Variants in KPNA3 observed in about 807,000 individuals in gnomAD.
The protein encoded by KPNA3 is importin subunit alpha-4.
Under a neutral mutation model 73.8 loss-of-function variants are expected in KPNA3, and 13 were observed. The observed-to-expected ratio is 0.18, with a 90% CI of 0.11 to 0.28. The LOEUF is 0.28. Among genes scored for constraint, KPNA3 ranks in the 10% least tolerant of loss-of-function variants. KPNA3 has a pLI of 1.00. For missense variants in KPNA3, 360 were observed against 618.1 expected, an observed-to-expected ratio of 0.58 and a Z score of 4.43; for synonymous variants, 186 against 206.9, an observed-to-expected ratio of 0.90 and a Z score of 0.87.
Position 49,792,601 on chromosome 13 carries a change from G to C in KPNA3, c.-95C>G. 2 of 370,336 alleles carry C rather than the reference G, an allele frequency of 5.4e-6. No individual in the cohort carries two copies. Among genetic ancestry groups the C allele is most frequent in the East Asian group, 8.0e-5 (1 of 12,458 alleles). 22.9% of individuals were successfully genotyped at this position (370,336 alleles called of 1,614,324 possible). A position where few individuals can be genotyped will look rare whatever the true frequency, so the allele number is the denominator to read the frequency against. The stretch of plus-strand genomic sequence containing the variant: ...GAGGGGGAGGAGGGGGAGAGCGGGA[G>C]GGGGGAGGGGAGAGAAGAGCACGTT... On this transcript the variant is annotated 5_prime_UTR_variant, in exon 1 of 17. Coordinates refer to ENST00000261667, the MANE Select transcript of KPNA3 (RefSeq NM_002267.4).
chr13:49,739,329 C>G (rs941528906), intron 2 of KPNA3, among the ~76,000 whole-genome samples: 1 of 152,116 alleles, frequency 6.6e-6, no homozygotes, highest in African/African-American at 2.4e-5. Context: ...TCTCAACCCA[C>G]GAAGCATTAT....
intron 6 of KPNA3, among the ~76,000 whole-genome samples, chr13:49,731,387 C>A (rs1439466252): frequency 6.6e-6 from 1 of 151,848 alleles, no homozygotes; most frequent in Non-Finnish European, 1.5e-5. Context: ...CTGCGTCCAG[C>A]CAGAATTTAT....
intron 14 of KPNA3, 32 bp from the exon 15 acceptor site, chr13:49,705,815 T>G (rs1461182534): frequency 6.7e-7 from 1 of 1,495,294 alleles, no homozygotes; most frequent in Non-Finnish European, 9.0e-7. Context: ...ATATTTTTAT[T>G]TATATAATTA....
intron 1 of KPNA3, among the ~76,000 whole-genome samples, chr13:49,778,249 T>A (rs985867732): frequency 6.6e-6 from 1 of 152,276 alleles, no homozygotes; most frequent in Non-Finnish European, 1.5e-5. Context: ...TGTATCTAAA[T>A]GGAGGTGTAA....
intron 9 of KPNA3, among the ~76,000 whole-genome samples, chr13:49,721,247 T>A (rs972811453): frequency 2.6e-5 from 4 of 151,960 alleles, no homozygotes; most frequent in South Asian, 2.1e-4. Flanking sequence ...AAAAATCAAT[T>A]GGACTTAAAG....
intron 1 of KPNA3, among the ~76,000 whole-genome samples, chr13:49,758,552 A>C (rs758064081): frequency 5.9e-5 from 9 of 152,166 alleles, no homozygotes; most frequent in Non-Finnish European, 1.2e-4. Context: ...ATGAGTAAAA[A>C]TGTCATATTC....
At chr13:49,708,543 G>A (rs897952338) in intron 12 of KPNA3, among the ~76,000 whole-genome samples, 2 of 152,182 alleles carry the variant, frequency 1.3e-5, no homozygotes, top group Non-Finnish European at 2.9e-5. Context: ...CAAAGAAATT[G>A]AAAGCGGGAA....
At chr13:49,756,843 A>T (rs935949608) in intron 1 of KPNA3, among the ~76,000 whole-genome samples, 9 of 152,236 alleles carry the variant, frequency 5.9e-5, no homozygotes, top group African/African-American at 2.2e-4. Flanking sequence ...ACATTGTGTG[A>T]TATCAGTGGA....
At chr13:49,775,162 C>CAAAAAAAAAAAAAAAAA (rs60494803) in intron 1 of KPNA3, among the ~76,000 whole-genome samples, 1 of 93,058 alleles carries the variant, frequency 1.1e-5, no homozygotes, top group Non-Finnish European at 2.0e-5. Context: ...GACTCTGTCT[C>CAAAAAAAAAAAAAAAAA]AAAAAAAAAA....
chr13:49,784,397 G>A (rs1322791780), intron 1 of KPNA3, among the ~76,000 whole-genome samples: 1 of 152,132 alleles, frequency 6.6e-6, no homozygotes, highest in East Asian at 1.9e-4. Context: ...CTTGGCTGTT[G>A]TTACAAACCT....
chr13:49,761,550 GC>G (rs1954761004), intron 1 of KPNA3, among the ~76,000 whole-genome samples: 1 of 152,248 alleles, frequency 6.6e-6, no homozygotes, highest in South Asian at 2.1e-4. Context: ...GCTCAATGTT[GC>G]CCAGGCTGGA....
At chr13:49,729,234 A>G (rs188702236) in intron 6 of KPNA3, among the ~76,000 whole-genome samples, 189 of 152,314 alleles carry the variant, frequency 1.2e-3, no homozygotes, top group African/African-American at 4.5e-3. Context: ...ATAAGATGGT[A>G]TATCAGAGGC....
In KPNA3 at chr13:49,731,247, G is replaced by A. The variant is rs571994389; in HGVS notation, c.383+1124C>T. 1.0e-3 allele frequency among the ~76,000 whole-genome samples: 130 copies of A among 126,118 alleles called. 1 individual carries two copies. The highest frequency in any genetic ancestry group is 4.1e-3 in the African/African-American group (126 of 30,874). The allele number at this position is 126,118 out of a possible 152,430, so 82.7% of individuals were successfully genotyped here. On this transcript the variant is annotated intron_variant, in intron 6 of 16. Transcript: ENST00000261667. ...GTGCCACCATGCCTGGCTAATTTTC[G>A]TGTTTTTTTTTTTTTTTTTTTTGTA...
In KPNA3 at chr13:49,739,659, G is replaced by A. The variant is rs556940086; in HGVS notation, c.115-6613C>T. Among the ~76,000 whole-genome samples the A allele has an allele frequency of 4.5e-4, 68 of 152,272 alleles. No individual in the cohort carries two copies. In the South Asian group the frequency reaches 0.014, roughly 31 times the overall value. ...GATCAGTATCTGTTATTTGAAGTGT[G>A]ATCCTTACACTAGTTAATAATTCTC... is the stretch of plus-strand genomic sequence containing the variant. On this transcript the variant is annotated intron_variant, in intron 2 of 16. Coordinates refer to ENST00000261667, the MANE Select transcript of KPNA3 (RefSeq NM_002267.4).
chr13:49,752,214 T>C (rs1372254861), intron 1 of KPNA3, among the ~76,000 whole-genome samples: 1 of 152,024 alleles, frequency 6.6e-6, no homozygotes, highest in Non-Finnish European at 1.5e-5. Context: ...AAAATCCTCT[T>C]CCTGGACAAT....
chr13:49,709,396 C>T (rs1463062223), intron 12 of KPNA3, among the ~76,000 whole-genome samples, 176 bp downstream of exon 12: 3 of 86,628 alleles, frequency 3.5e-5, no homozygotes, highest in Admixed American at 1.3e-4. Context: ...CAGACTCTGT[C>T]TCAAAAAAAA....
chr13:49,789,378 C>G (rs1217010522), intron 1 of KPNA3, among the ~76,000 whole-genome samples: 5 of 152,022 alleles, frequency 3.3e-5, no homozygotes, highest in Non-Finnish European at 5.9e-5. Flanking sequence ...CTCTTAAAGT[C>G]TCTCTCGATT....
intron 1 of KPNA3, among the ~76,000 whole-genome samples, chr13:49,758,199 C>T (rs1052759624): frequency 3.9e-5 from 6 of 152,044 alleles, no homozygotes; most frequent in African/African-American, 1.4e-4. Context: ...AGATCACATA[C>T]AATGATTATT....
intron 1 of KPNA3, among the ~76,000 whole-genome samples, chr13:49,770,834 C>CAAAAAAAAAAAAAAAAA (rs759842886): frequency 1.2e-5 from 1 of 85,474 alleles, no homozygotes; most frequent in Non-Finnish European, 2.4e-5. Flanking sequence ...ACCCACCTAC[C>CAAAAAAAAAAAAAAAAA]AAAAAAAAAA....
Sources: gnomAD v4.1 joint callset for allele counts (sites outside exome capture counted in the v4.1 genomes callset) on GRCh38, gnomAD v4.1.1 for gene constraint, MANE v1.5 for transcripts, NCBI Gene and HGNC (gene_info 2026-07-23, HGNC 2026-07-21) for gene names.